The following DIP2A variants were observed in gnomAD, a reference collection of about 807,000 sequenced individuals.
The protein encoded by DIP2A is DIP2 acetate--CoA ligase A.
In DIP2A, 85 loss-of-function variants were observed where a neutral mutation model predicts 177.4. The observed-to-expected ratio is 0.48, with a 90% CI of 0.40 to 0.57. DIP2A has a LOEUF of 0.57. Ranked by LOEUF, DIP2A falls within the 20% of genes least tolerant of loss-of-function variation. The pLI, the probability that DIP2A is intolerant of heterozygous loss-of-function variation, is 0.00. For synonymous variants in DIP2A, 886 were observed against 881.8 expected, an observed-to-expected ratio of 1.00 and a Z score of -0.08; for missense variants, 1,791 against 2,100.2, an observed-to-expected ratio of 0.85 and a Z score of 2.88.
intron 25 of DIP2A, chr21:46,553,316 G>A (rs2060339450): frequency 6.6e-6 from 1 of 152,254 alleles, no homozygotes; most frequent in Non-Finnish European, 1.5e-5. Flanking sequence ...GAAACAGGGA[G>A]TTTTGATGTT....
chr21:46,482,358 C>G (rs954412282), intron 1 of DIP2A, among the ~76,000 whole-genome samples: 1 of 152,198 alleles, frequency 6.6e-6, no homozygotes, highest in Non-Finnish European at 1.5e-5. Context: ...CACCTAGTGA[C>G]CTTGTAGCCA....
At chr21:46,536,043 A>C (rs561370925) in intron 13 of DIP2A, among the ~76,000 whole-genome samples, 1 of 152,354 alleles carries the variant, frequency 6.6e-6, no homozygotes, top group Admixed American at 6.5e-5. Flanking sequence ...GATTGTGCCT[A>C]TGAATATTCA....
Position 46,529,180 on chromosome 21 carries a change from CAGAGTAAGTAACT to C in DIP2A, c.1194+1_1194+13del, listed in dbSNP as rs2059249551. ...ATGAACCTCTACTTAAACCTGGAGACAGAGTAAGTAACTAGAATGTCACTTTGTTGGAAGGAGC... is the reference window on the plus strand; with the variant it reads ...ATGAACCTCTACTTAAACCTGGAGACAGAATGTCACTTTGTTGGAAGGAGC... On this transcript the variant is annotated splice_donor_variant and splice_donor_5th_base_variant and coding_sequence_variant and intron_variant, in exon 9 of 38. Transcript: ENST00000417564. LOFTEE classifies it high-confidence loss of function. The C allele has an allele frequency of 6.6e-7, 1 of 1,508,982 alleles. No homozygotes were observed. Among genetic ancestry groups the C allele is most frequent in the Non-Finnish European group, 8.9e-7 (1 of 1,118,304 alleles). 93.5% of individuals were successfully genotyped at this position (1,508,982 alleles called of 1,614,324 possible).
At position 46,537,561 on chromosome 21, in the gene DIP2A, G is replaced by A. The variant is rs774487916; in HGVS notation, c.1801+22G>A. On this transcript the variant is annotated intron_variant, in intron 15 of 37. Transcript: ENST00000417564. The surrounding 1 kb of genome is among the most constrained non-coding windows in gnomAD (Gnocchi z 4.1). ...AAAGGTAACGGATACCATGGTCAGG[G>A]CCTTCACCCTTCTTTAGGGAAATCT... 6.2e-7 allele frequency: 1 copy of A among 1,606,200 alleles called. No homozygotes were observed. Among genetic ancestry groups the A allele is most frequent in the Admixed American group, 1.7e-5 (1 of 59,284 alleles).
intron 36 of DIP2A, 92 bp downstream of exon 36, chr21:46,565,979 C>A: frequency 7.0e-7 from 1 of 1,433,570 alleles, no homozygotes; most frequent in South Asian, 1.3e-5. Context: ...CACCTCACTC[C>A]TTGCTGTGGT....
chr21:46,533,766 G>T, intron 11 of DIP2A, 119 bp downstream of exon 11: 1 of 1,451,320 alleles, frequency 6.9e-7, no homozygotes, highest in South Asian at 1.3e-5. Flanking sequence ...GTGATCCCTT[G>T]TTCGAGTCCT....
Position 46,555,890 on chromosome 21 carries a change from A to G in DIP2A, c.3389-92A>G, listed in dbSNP as rs2060450869. 4.1e-6 allele frequency: 4 copies of G among 965,234 alleles called. 1 individual carries two copies. The highest frequency in any genetic ancestry group is 3.4e-5 in the Admixed American group (2 of 58,306). The allele number at this position is 965,234 out of a possible 1,614,324, so 59.8% of individuals were successfully genotyped here. ...CTCACTCTCTGCAGGACTCCCAAGG[A>G]CAAATCATGTGTCGCCTCTTGCCTG... On this transcript the variant is annotated intron_variant, in intron 28 of 37. Transcript: ENST00000417564.
At position 46,569,562 on chromosome 21, in the gene DIP2A, T is replaced by C. The variant is rs1361614986; in HGVS notation, c.*1940T>C. Reference sequence around the variant, plus strand: ...AACAAAAATTGTCAGCTTTTTGTATTGAAAGGTCAGTGGTGGTAAGACAAG... The same window carrying C: ...AACAAAAATTGTCAGCTTTTTGTATCGAAAGGTCAGTGGTGGTAAGACAAG... On this transcript the variant is annotated 3_prime_UTR_variant, in exon 38 of 38. Coordinates refer to ENST00000417564, the MANE Select transcript of DIP2A (RefSeq NM_015151.4). 2 of 152,142 alleles carry C rather than the reference T, an allele frequency of 1.3e-5. No individual in the cohort carries two copies. The highest frequency in any genetic ancestry group is 2.4e-5 in the African/African-American group (1 of 41,444). The allele number at this position is 152,142 out of a possible 1,614,324, so 9.4% of individuals were successfully genotyped here.
At chr21:46,472,134 G>A (rs949694529) in intron 1 of DIP2A, among the ~76,000 whole-genome samples, 1 of 152,178 alleles carries the variant, frequency 6.6e-6, no homozygotes, top group Non-Finnish European at 1.5e-5. Context: ...CATCCAATAG[G>A]ACTGGTGTCC....
At chr21:46,493,693 T>C (rs1800932803) in intron 3 of DIP2A, among the ~76,000 whole-genome samples, 1 of 152,216 alleles carries the variant, frequency 6.6e-6, no homozygotes. Flanking sequence ...GTCTTTGATA[T>C]CCATGAATTT....
intron 31 of DIP2A, 42 bp from the exon 32 acceptor site, chr21:46,558,173 GGCAACTCA>G: frequency 6.4e-7 from 1 of 1,554,608 alleles, no homozygotes; most frequent in Non-Finnish European, 8.7e-7. Flanking sequence ...CCAGGGCCCT[GGCAACTCA>G]CTGAGCTGTG....
In DIP2A at chr21:46,535,449, G is replaced by C. The variant is rs1015057926; in HGVS notation, c.1642+762G>C. On this transcript the variant is annotated intron_variant, in intron 13 of 37. Transcript: ENST00000417564. The stretch of plus-strand genomic sequence containing the variant: ...AATATAGGTGTTCAGGCCAGGTGCA[G>C]TGGTTCATACCAGTAATCCCACCAC... Among the ~76,000 whole-genome samples, 7 of 152,300 alleles carry C rather than the reference G, an allele frequency of 4.6e-5. No homozygotes were observed. The East Asian group carries it at 7.7e-4, about 17-fold the overall frequency.
intron 1 of DIP2A, among the ~76,000 whole-genome samples, chr21:46,483,291 C>T (rs1455439582): frequency 6.7e-6 from 1 of 149,910 alleles, no homozygotes; most frequent in East Asian, 1.9e-4. Flanking sequence ...TTCTAAAAGA[C>T]ACTATAGAAA....
chr21:46,557,564 C>G lies in DIP2A; in HGVS notation c.3630-21C>G. The G allele has an allele frequency of 1.3e-6, 2 of 1,593,958 alleles. No individual in the cohort carries two copies. Among genetic ancestry groups the G allele is most frequent in the Non-Finnish European group, 8.6e-7 (1 of 1,165,502 alleles). The stretch of plus-strand genomic sequence containing the variant: ...GGTGCTGGGTGGGCGGGCGGAGCCT[C>G]ACGAGCCTTCCCTCTCGCAGTGTCT... On this transcript the variant is annotated intron_variant, in intron 30 of 37. Transcript: ENST00000417564. The surrounding 1 kb of genome is among the most constrained non-coding windows in gnomAD (Gnocchi z 6.0).
At chr21:46,554,032 C>T in intron 25 of DIP2A, 137 bp from the exon 26 acceptor site, 1 of 1,213,290 alleles carries the variant, frequency 8.2e-7, no homozygotes, top group Non-Finnish European at 1.1e-6. Flanking sequence ...ACGTCTAGGA[C>T]TGACACATTG....
Position 46,484,739 on chromosome 21 carries a change from T to C in DIP2A, c.92-18T>C. ...AATTGTAGAAGAAATGCAATTCTTTTTTCCATTGTTGTTTTAGGTGACATC... is the reference window on the plus strand; with the variant it reads ...AATTGTAGAAGAAATGCAATTCTTTCTTCCATTGTTGTTTTAGGTGACATC... On this transcript the variant is annotated intron_variant, in intron 1 of 37. Transcript: ENST00000417564. 2 of 1,537,054 alleles carry C rather than the reference T, an allele frequency of 1.3e-6. No homozygotes were observed. Among genetic ancestry groups the C allele is most frequent in the Non-Finnish European group, 1.7e-6 (2 of 1,145,752 alleles).
At chr21:46,555,587 C>T (rs981072841) in intron 28 of DIP2A, 3 of 220,778 alleles carry the variant, frequency 1.4e-5, no homozygotes, top group Non-Finnish European at 2.7e-5. Context: ...TGATGAAGCA[C>T]GCAGAACCCA....
chr21:46,549,138 G>A (rs1366448719), intron 21 of DIP2A, among the ~76,000 whole-genome samples: 1 of 152,146 alleles, frequency 6.6e-6, no homozygotes, highest in Non-Finnish European at 1.5e-5. Flanking sequence ...GTGTGTGTGT[G>A]TGTGTACACA....
At chr21:46,473,567 G>A (rs1270411037) in intron 1 of DIP2A, among the ~76,000 whole-genome samples, 1 of 152,068 alleles carries the variant, frequency 6.6e-6, no homozygotes, top group Non-Finnish European at 1.5e-5. Flanking sequence ...CCAGGCTGGA[G>A]TGCAGTGGCG....
Sources: allele counts gnomAD v4.1 joint callset (sites outside exome capture counted in the v4.1 genomes callset), GRCh38; gene constraint gnomAD v4.1.1; non-coding constraint Gnocchi (gnomAD v3.1); transcripts MANE v1.5; gene names NCBI Gene and HGNC (gene_info 2026-07-23, HGNC 2026-07-21).